ENOX1: variants seen among roughly 807,000 people sequenced by gnomAD.
The protein encoded by ENOX1 is candidate growth-related and time keeping constitutive hydroquinone (NADH) oxidase.
ENOX1 carries 42 observed loss-of-function variants against 82.5 expected under a neutral mutation model. The observed-to-expected ratio is 0.51, with a 90% CI of 0.40 to 0.66. ENOX1 has a LOEUF of 0.66. Ranked by LOEUF, ENOX1 falls within the 30% of genes least tolerant of loss-of-function variation. ENOX1 has a pLI of 0.00. For missense variants in ENOX1, 608 were observed against 811.6 expected (o/e 0.75, Z 3.05); for synonymous variants, 271 against 282.2 (o/e 0.96, Z 0.40).
At chr13:43,362,917 AT>A (rs10709661) in intron 5 of ENOX1, among the ~76,000 whole-genome samples, 20,760 of 151,770 alleles carry the variant, frequency 0.14, 2,539 homozygotes, top group African/African-American at 0.32. Context: ...TAAAAGGAGG[AT>A]TTTTTTTTAA....
At chr13:43,731,542 T>A (rs1346331623) in intron 1 of ENOX1, among the ~76,000 whole-genome samples, 2 of 151,730 alleles carry the variant, frequency 1.3e-5, no homozygotes, top group Admixed American at 1.3e-4. Context: ...TTTTTTTCTT[T>A]AGGAAGAATT....
chr13:43,223,197 G>A (rs1164875902), intron 16 of ENOX1, among the ~76,000 whole-genome samples: 1 of 152,170 alleles, frequency 6.6e-6, no homozygotes, highest in African/African-American at 2.4e-5. Context: ...CCAATCCCAT[G>A]CGTTTTGCTG....
At chr13:43,416,159 AGATGGGGCAGCCGGACAGAAGCG>A (rs2153602169) in intron 3 of ENOX1, among the ~76,000 whole-genome samples, 3 of 138,554 alleles carry the variant, frequency 2.2e-5, no homozygotes, top group East Asian at 2.2e-4. Context: ...CTCAGTTCCC[AGATGGGGCAGCCGGACAGAAGCG>A]CTCCTCACAT....
At chr13:43,318,538 T>C (rs1249450391) in intron 11 of ENOX1, among the ~76,000 whole-genome samples, 1 of 152,262 alleles carries the variant, frequency 6.6e-6, no homozygotes, top group East Asian at 1.9e-4. Flanking sequence ...TATAAAGTTC[T>C]GAACATTTTG....
At chr13:43,652,639 T>C (rs554444629) in intron 2 of ENOX1, among the ~76,000 whole-genome samples, 17 of 152,190 alleles carry the variant, frequency 1.1e-4, no homozygotes, top group African/African-American at 3.9e-4. Context: ...TTCCAAATAG[T>C]GTGTGAGAGC....
chr13:43,541,173 G>GTTTTTTTTTTTTTTTTTTTTTTTT lies in ENOX1; in HGVS notation c.-218-57045_-218-57022dup, dbSNP rs553504525. On this transcript the variant is annotated intron_variant, in intron 2 of 16. Coordinates refer to ENST00000690772, the MANE Select transcript of ENOX1 (RefSeq NM_001347969.2). ...CTCCAACCTTACACTTCTTCCCTCT[G>GTTTTTTTTTTTTTTTTTTTTTTTT]TTTTTTTTTTTTTTTTTTTTTTTTT... Among the ~76,000 whole-genome samples, 15 of 64,582 alleles carry GTTTTTTTTTTTTTTTTTTTTTTTT rather than the reference G, an allele frequency of 2.3e-4. 2 individuals are homozygous for GTTTTTTTTTTTTTTTTTTTTTTTT. Among genetic ancestry groups the GTTTTTTTTTTTTTTTTTTTTTTTT allele is most frequent in the East Asian group, 2.1e-3 (4 of 1,910 alleles). 42.4% of individuals were successfully genotyped at this position (64,582 alleles called of 152,430 possible).
At chr13:43,710,028 C>G (rs2087583499) in intron 1 of ENOX1, among the ~76,000 whole-genome samples, 1 of 152,024 alleles carries the variant, frequency 6.6e-6, no homozygotes, top group Non-Finnish European at 1.5e-5. Context: ...AACACTGGTA[C>G]CTTAACTCCA....
chr13:43,352,039 T>C (rs1594094634), intron 8 of ENOX1, among the ~76,000 whole-genome samples: 1 of 152,344 alleles, frequency 6.6e-6, no homozygotes, highest in South Asian at 2.1e-4. Flanking sequence ...CATAACATTA[T>C]TGATTTTTAC....
In ENOX1 at chr13:43,224,152, G is replaced by GCAAA. The variant is rs754891300; in HGVS notation, c.1715-18_1715-15dup. ...TTGATATGATACCTGAATTAAAAAG[G>GCAAA]CAAACATTGGAAATTATTCAAAGGC... On this transcript the variant is annotated splice_polypyrimidine_tract_variant and intron_variant, in intron 15 of 16. Transcript: ENST00000690772. 1 of 1,601,204 alleles carries GCAAA rather than the reference G, an allele frequency of 6.2e-7. No individual in the cohort carries two copies. Among genetic ancestry groups the GCAAA allele is most frequent in the Admixed American group, 1.7e-5 (1 of 59,968 alleles).
intron 2 of ENOX1, among the ~76,000 whole-genome samples, chr13:43,529,940 C>T (rs1397859685): frequency 2.6e-5 from 4 of 152,142 alleles, no homozygotes; most frequent in East Asian, 1.9e-4. Flanking sequence ...AGCTGTCACA[C>T]TAACCTGTCC....
At chr13:43,221,334 G>A (rs1445273462) in intron 16 of ENOX1, among the ~76,000 whole-genome samples, 2 of 152,206 alleles carry the variant, frequency 1.3e-5, no homozygotes, top group African/African-American at 4.8e-5. Context: ...CAAGTCAAAT[G>A]TTTCTTCTGG....
At position 43,786,254 on chromosome 13, in the gene ENOX1, G is replaced by A. The variant is rs1252246589; in HGVS notation, c.-285+398C>T. ...CACTGTGTGGGCAGGAACGGGTCCC[G>A]GGGGCGACGCCCGCAGGGGGAGACG... On this transcript the variant is annotated intron_variant, in intron 1 of 16. Transcript: ENST00000690772. The surrounding 1 kb of genome is among the most constrained non-coding windows in gnomAD (Gnocchi z 6.0). Among the ~76,000 whole-genome samples, 3 of 152,090 alleles carry A rather than the reference G, an allele frequency of 2.0e-5. No homozygotes were observed. Among genetic ancestry groups the A allele is most frequent in the South Asian group, 4.1e-4 (2 of 4,826 alleles).
At chr13:43,644,147 TGA>T (rs1167806822) in intron 2 of ENOX1, among the ~76,000 whole-genome samples, 3 of 152,190 alleles carry the variant, frequency 2.0e-5, no homozygotes, top group African/African-American at 7.2e-5. Context: ...CACACACATG[TGA>T]GTTATCATTA....
At chr13:43,399,740 G>A (rs1014122694) in intron 5 of ENOX1, among the ~76,000 whole-genome samples, 1 of 152,144 alleles carries the variant, frequency 6.6e-6, no homozygotes, top group African/African-American at 2.4e-5. Flanking sequence ...AAGACCTCAG[G>A]CTCTAAAGCC....
At chr13:43,778,092 G>A (rs1952028505) in intron 1 of ENOX1, among the ~76,000 whole-genome samples, 1 of 152,068 alleles carries the variant, frequency 6.6e-6, no homozygotes, top group Non-Finnish European at 1.5e-5. Flanking sequence ...AACTACTTTT[G>A]CAAAAATATG....
At chr13:43,294,354 T>C (rs2046174343) in intron 12 of ENOX1, among the ~76,000 whole-genome samples, 2 of 152,232 alleles carry the variant, frequency 1.3e-5, no homozygotes, top group African/African-American at 4.8e-5. Flanking sequence ...TATTAAAAAA[T>C]TATGACATGT....
chr13:43,568,690 T>TTG (rs1028582205), intron 2 of ENOX1, among the ~76,000 whole-genome samples: 4 of 150,904 alleles, frequency 2.7e-5, no homozygotes, highest in Non-Finnish European at 5.9e-5. Flanking sequence ...ACTCCAGAGT[T>TTG]TTTTTTTTTT....
At chr13:43,383,490 T>C (rs959690081) in intron 5 of ENOX1, among the ~76,000 whole-genome samples, 5 of 152,202 alleles carry the variant, frequency 3.3e-5, no homozygotes, top group African/African-American at 1.2e-4. Flanking sequence ...ATTATTAATA[T>C]TGCACTATTA....
At chr13:43,505,313 A>T (rs1237356689) in intron 2 of ENOX1, among the ~76,000 whole-genome samples, 1 of 151,998 alleles carries the variant, frequency 6.6e-6, no homozygotes, top group African/African-American at 2.4e-5. Context: ...AGAAAGCTAC[A>T]GCCTAAGTAC....
Sources: gnomAD v4.1 joint callset for allele counts (sites outside exome capture counted in the v4.1 genomes callset) on GRCh38, gnomAD v4.1.1 for gene constraint, Gnocchi (gnomAD v3.1) non-coding constraint, MANE v1.5 for transcripts, NCBI Gene and HGNC (gene_info 2026-07-23, HGNC 2026-07-21) for gene names.